Variants in CDH12 observed in about 807,000 individuals in gnomAD.
CDH12 encodes cadherin-12.
In CDH12, 41 loss-of-function variants were observed where a neutral mutation model predicts 74.1. The ratio of observed to expected loss-of-function variants is 0.55; its 90% CI spans 0.43 to 0.72. The LOEUF (loss-of-function observed/expected upper bound fraction) is 0.72. Among genes scored for constraint, CDH12 ranks in the 30% least tolerant of loss-of-function variants. The pLI is 0.00. For synonymous variants in CDH12, 399 were observed against 355.0 expected, an observed-to-expected ratio of 1.12 and a Z score of -1.39; for missense variants, 945 against 977.2, an observed-to-expected ratio of 0.97 and a Z score of 0.44.
chr5:22,300,775 C>A (rs1448778422), intron 3 of CDH12, among the ~76,000 whole-genome samples: 2 of 152,164 alleles, frequency 1.3e-5, no homozygotes, highest in Non-Finnish European at 2.9e-5. Flanking sequence ...AAAACTCATT[C>A]ATTTCCTAAA....
In CDH12 at chr5:21,818,320, G is replaced by T. The variant is rs184066885; in HGVS notation, c.815-1188C>A. Among the ~76,000 whole-genome samples, 304 of 151,990 alleles carry T rather than the reference G, an allele frequency of 2.0e-3. 2 individuals are homozygous for T. Among genetic ancestry groups the T allele is most frequent in the Non-Finnish European group, 3.4e-3 (229 of 67,834 alleles). On this transcript the variant is annotated intron_variant, in intron 8 of 14. Transcript: ENST00000382254. ...TTACTATAAATGTCTGTTGCATAGG[G>T]AAGTTCATTAAAAAATCATGTTACA...
chr5:22,803,390 C>T (rs888622172), intron 1 of CDH12, among the ~76,000 whole-genome samples: 1 of 152,056 alleles, frequency 6.6e-6, no homozygotes, highest in African/African-American at 2.4e-5. Flanking sequence ...ACTGAAATTA[C>T]CCCAAAGTAG....
In CDH12 at chr5:22,322,530, TTGA is replaced by T. The variant is rs200845556; in HGVS notation, c.-333+82724_-333+82726del. On this transcript the variant is annotated intron_variant, in intron 3 of 14. Transcript: ENST00000382254. ...CCAGTAGAAACTCAATAAATTTAAA[TTGA>T]TGATGATGATGACGATGATGATCAT... Among the ~76,000 whole-genome samples the T allele has an allele frequency of 1.0e-2, 1,522 of 152,212 alleles. 13 individuals carry two copies. The highest frequency in any genetic ancestry group is 0.017 in the Middle Eastern group (5 of 294).
At chr5:22,122,059 T>G (rs1315342588) in intron 4 of CDH12, among the ~76,000 whole-genome samples, 1 of 152,270 alleles carries the variant, frequency 6.6e-6, no homozygotes, top group East Asian at 1.9e-4. Context: ...GTCATGTTAG[T>G]TCTCTGCTCA....
intron 1 of CDH12, among the ~76,000 whole-genome samples, chr5:22,761,103 C>A (rs767128546): frequency 6.6e-6 from 1 of 152,088 alleles, no homozygotes; most frequent in Non-Finnish European, 1.5e-5. Flanking sequence ...AAAATATTTC[C>A]TCTCACTTCT....
chr5:22,491,622 C>CAA (rs33936783), intron 2 of CDH12, among the ~76,000 whole-genome samples: 53,654 of 135,282 alleles, frequency 0.4, 10,755 homozygotes, highest in Non-Finnish European at 0.43. Context: ...AAAAAAAAAA[C>CAA]AAAAAAAAAA....
intron 3 of CDH12, among the ~76,000 whole-genome samples, chr5:22,225,713 T>C (rs577096416): frequency 4.6e-5 from 7 of 152,200 alleles, no homozygotes; most frequent in Non-Finnish European, 1.0e-4. Flanking sequence ...TTAGGGTCCA[T>C]GTGAAAAACA....
At chr5:22,297,043 C>T (rs1350484090) in intron 3 of CDH12, among the ~76,000 whole-genome samples, 1 of 151,432 alleles carries the variant, frequency 6.6e-6, no homozygotes, top group Admixed American at 6.6e-5. Context: ...GGTTTTTGGA[C>T]GGAGTTTTGC....
At chr5:22,390,030 C>T (rs1373642692) in intron 3 of CDH12, among the ~76,000 whole-genome samples, 1 of 151,900 alleles carries the variant, frequency 6.6e-6, no homozygotes, top group Non-Finnish European at 1.5e-5. Flanking sequence ...CACACACACA[C>T]ACACACATGC....
chr5:22,710,894 A>G (rs1743252581), intron 1 of CDH12, among the ~76,000 whole-genome samples: 1 of 152,110 alleles, frequency 6.6e-6, no homozygotes, highest in African/African-American at 2.4e-5. Context: ...TGAGGGTTCA[A>G]AATATATTTG....
At chr5:22,466,830 C>A (rs1250344494) in intron 2 of CDH12, among the ~76,000 whole-genome samples, 1 of 113,240 alleles carries the variant, frequency 8.8e-6, no homozygotes, top group East Asian at 3.0e-4. Flanking sequence ...TGCTCTGTCA[C>A]CAGGCTGGAG....
intron 2 of CDH12, among the ~76,000 whole-genome samples, chr5:22,436,514 G>A (rs911034730): frequency 6.6e-6 from 1 of 151,564 alleles, no homozygotes; most frequent in African/African-American, 2.4e-5. Flanking sequence ...TGCTCAGGGA[G>A]GCTGATTTGA....
At chr5:21,819,627 G>A (rs191134581) in intron 8 of CDH12, among the ~76,000 whole-genome samples, 24 of 152,044 alleles carry the variant, frequency 1.6e-4, no homozygotes, top group African/African-American at 4.3e-4. Flanking sequence ...AATGGAAGTC[G>A]ATGTTGAATA....
intron 1 of CDH12, among the ~76,000 whole-genome samples, chr5:22,570,820 ATCT>A (rs60118516): frequency 0.15 from 22,242 of 152,108 alleles, 1,629 homozygotes; most frequent in Middle Eastern, 0.21. Context: ...CCTAGGTGAC[ATCT>A]TCTTCCTTTA....
intron 1 of CDH12, among the ~76,000 whole-genome samples, chr5:22,738,142 G>T (rs1367538986): frequency 6.6e-6 from 1 of 151,964 alleles, no homozygotes; most frequent in Non-Finnish European, 1.5e-5. Context: ...ATGCTACAGA[G>T]GGGCCACAGC....
rs73742071 is a variant in CDH12 at position 22,233,736 on chromosome 5, G to A, written c.-332-21093C>T. Among the ~76,000 whole-genome samples the A allele has an allele frequency of 2.4e-3, 370 of 152,196 alleles. 3 individuals carry two copies. The highest frequency in any genetic ancestry group is 8.5e-3 in the African/African-American group (355 of 41,544). On this transcript the variant is annotated intron_variant, in intron 3 of 14. Coordinates refer to ENST00000382254, the MANE Select transcript of CDH12 (RefSeq NM_004061.5). ...TATTTTTGATAGTGAATGATATAAA[G>A]TTGGACAAAGGAAACTAGATAAGGC...
chr5:22,746,298 A>G (rs1403915592), intron 1 of CDH12, among the ~76,000 whole-genome samples: 2 of 152,170 alleles, frequency 1.3e-5, no homozygotes, highest in Non-Finnish European at 2.9e-5. Flanking sequence ...TCAATCCCCC[A>G]AATCCCACAA....
chr5:22,411,821 G>A (rs940712337), intron 2 of CDH12, among the ~76,000 whole-genome samples: 1 of 151,964 alleles, frequency 6.6e-6, no homozygotes, highest in Non-Finnish European at 1.5e-5. Flanking sequence ...ATAGGTTTGT[G>A]TGAATTTTTA....
At chr5:22,718,566 T>C (rs1244583823) in intron 1 of CDH12, among the ~76,000 whole-genome samples, 2 of 152,204 alleles carry the variant, frequency 1.3e-5, no homozygotes, top group African/African-American at 2.4e-5. Flanking sequence ...GAGAGAGCCC[T>C]GTTAAGAATA....
Sources: allele counts gnomAD v4.1 joint callset (sites outside exome capture counted in the v4.1 genomes callset), GRCh38; gene constraint gnomAD v4.1.1; transcripts MANE v1.5; gene names NCBI Gene and HGNC (gene_info 2026-07-23, HGNC 2026-07-21).